The following TRAPPC12 variants were observed in gnomAD, a reference collection of about 807,000 sequenced individuals.
The protein encoded by TRAPPC12 is trafficking protein particle complex subunit 12, also known as TPR repeat protein 15.
TRAPPC12 carries 61 observed loss-of-function variants against 69.2 expected under a neutral mutation model. The observed-to-expected ratio is 0.88, with a 90% CI of 0.72 to 1.09. The LOEUF (loss-of-function observed/expected upper bound fraction) is 1.09, where lower values mean the gene tolerates loss of function less well. Ranked by LOEUF, TRAPPC12 falls within the 50% of genes least tolerant of loss-of-function variation. The pLI is 0.00. For missense variants in TRAPPC12, 1,101 were observed against 1,016.4 expected, an observed-to-expected ratio of 1.08 and a Z score of -1.13; for synonymous variants, 469 against 438.9, an observed-to-expected ratio of 1.07 and a Z score of -0.86.
At chr2:3,463,408 C>G (rs1369921981) in intron 8 of TRAPPC12, among the ~76,000 whole-genome samples, 2 of 151,782 alleles carry the variant, frequency 1.3e-5, no homozygotes, top group Non-Finnish European at 2.9e-5. Flanking sequence ...GCAGGGGCCC[C>G]CGAGATCCCT....
At chr2:3,383,654 C>T (rs1660336532) in intron 1 of TRAPPC12, among the ~76,000 whole-genome samples, 1 of 151,948 alleles carries the variant, frequency 6.6e-6, no homozygotes, top group South Asian at 2.1e-4. Flanking sequence ...ATACGCCCGC[C>T]CCGGCCTCCG....
At chr2:3,455,068 A>T (rs1172552033) in intron 6 of TRAPPC12, 1 of 152,068 alleles carries the variant, frequency 6.6e-6, no homozygotes, top group East Asian at 1.9e-4. Context: ...GGTGCGCCAC[A>T]CCCCGGGGAC....
intron 2 of TRAPPC12, among the ~76,000 whole-genome samples, chr2:3,390,208 A>G (rs1450787258): frequency 2.0e-5 from 3 of 152,230 alleles, no homozygotes; most frequent in Non-Finnish European, 4.4e-5. Flanking sequence ...TCCTGCTGCC[A>G]TCACACTCGA....
At chr2:3,457,205 A>G (rs1665200398) in intron 6 of TRAPPC12, 1 of 457,410 alleles carries the variant, frequency 2.2e-6, no homozygotes, top group Non-Finnish European at 4.4e-6. Flanking sequence ...AGAAACAGAA[A>G]ACCAAATAGT....
At chr2:3,441,244 AAG>A in intron 5 of TRAPPC12, among the ~76,000 whole-genome samples, 1 of 152,288 alleles carries the variant, frequency 6.6e-6, no homozygotes, top group East Asian at 1.9e-4. Context: ...TGTTTTCTGA[AAG>A]AGATTGTAGA....
chr2:3,457,145 T>TGCA (rs1425576412), intron 6 of TRAPPC12: 2 of 463,200 alleles, frequency 4.3e-6, no homozygotes, highest in Non-Finnish European at 8.8e-6. Context: ...TCATGTTGTT[T>TGCA]GCAGCAACAT....
intron 2 of TRAPPC12, among the ~76,000 whole-genome samples, chr2:3,398,585 C>G (rs989542483): frequency 1.3e-5 from 2 of 152,222 alleles, no homozygotes; most frequent in African/African-American, 4.8e-5. Context: ...CTTTGGGCTT[C>G]CCAGACAGTA....
intron 1 of TRAPPC12, among the ~76,000 whole-genome samples, chr2:3,382,503 T>TA (rs1234204021): frequency 6.6e-6 from 1 of 152,206 alleles, no homozygotes; most frequent in Non-Finnish European, 1.5e-5. Flanking sequence ...CATCATAGCT[T>TA]ACACTGCTCA....
chr2:3,461,826 C>G (rs186092307), intron 8 of TRAPPC12, among the ~76,000 whole-genome samples: 1 of 152,162 alleles, frequency 6.6e-6, no homozygotes, highest in Admixed American at 6.5e-5. Flanking sequence ...GCTCCCCTGC[C>G]CTGGTGGCCT....
At chr2:3,462,816 G>T (rs567109791) in intron 8 of TRAPPC12, 23 of 437,604 alleles carry the variant, frequency 5.3e-5, no homozygotes, top group Non-Finnish European at 8.7e-5. Context: ...CCCCTCCCCC[G>T]GGTGCCCCTG....
chr2:3,475,149 G>A (rs1373804304), intron 9 of TRAPPC12, among the ~76,000 whole-genome samples: 1 of 152,170 alleles, frequency 6.6e-6, no homozygotes, highest in Admixed American at 6.5e-5. Flanking sequence ...AGGCTGGAGT[G>A]CAGTGGCACA....
Position 3,470,419 on chromosome 2 carries a change from G to C in TRAPPC12, c.1776+4724G>C, listed in dbSNP as rs1344532688. 3.9e-5 allele frequency among the ~76,000 whole-genome samples: 6 copies of C among 152,396 alleles called. No homozygotes were observed. In the East Asian group the frequency reaches 1.2e-3, roughly 29 times the overall value. On this transcript the variant is annotated intron_variant, in intron 9 of 11. Transcript: ENST00000324266. ...CAAACGATGGCCTGCACTGCGTGCT[G>C]TCCGCCCTGTTCCTGCTGGACTCTC... is the stretch of plus-strand genomic sequence containing the variant.
At chr2:3,452,084 AG>A (rs1664880495) in intron 6 of TRAPPC12, among the ~76,000 whole-genome samples, 1 of 151,994 alleles carries the variant, frequency 6.6e-6, no homozygotes. Flanking sequence ...GTCTGTCCTG[AG>A]GTTGCAGTTA....
intron 9 of TRAPPC12, among the ~76,000 whole-genome samples, chr2:3,471,527 C>A (rs1666059534): frequency 6.6e-6 from 1 of 152,142 alleles, no homozygotes; most frequent in Non-Finnish European, 1.5e-5. Context: ...AGCACCAGGG[C>A]CTCCACACAG....
intron 4 of TRAPPC12, among the ~76,000 whole-genome samples, chr2:3,423,888 C>T (rs1369164359): frequency 6.6e-6 from 1 of 152,186 alleles, no homozygotes; most frequent in Non-Finnish European, 1.5e-5. Context: ...CCTGAGAGCA[C>T]ACTGTGCTCT....
chr2:3,435,279 G>T (rs1441395941), intron 5 of TRAPPC12, among the ~76,000 whole-genome samples: 1 of 152,218 alleles, frequency 6.6e-6, no homozygotes, highest in Non-Finnish European at 1.5e-5. Flanking sequence ...CTCCCAAAGT[G>T]CTGGGATTAC....
At chr2:3,465,077 C>T (rs1271807276) in intron 8 of TRAPPC12, among the ~76,000 whole-genome samples, 2 of 151,242 alleles carry the variant, frequency 1.3e-5, no homozygotes, top group Admixed American at 6.7e-5. Flanking sequence ...GCAAGGCCGA[C>T]CTCCATCACA....
At chr2:3,466,525 A>T in intron 9 of TRAPPC12, 2 of 400,974 alleles carry the variant, frequency 5.0e-6, no homozygotes, top group Non-Finnish European at 1.1e-5. Context: ...GGAAGCTAGA[A>T]TTTGAACAGG....
At chr2:3,458,565 T>A in intron 7 of TRAPPC12, 1 of 553,942 alleles carries the variant, frequency 1.8e-6, no homozygotes, top group Non-Finnish European at 2.3e-6. Flanking sequence ...CTGTGGCATG[T>A]GGTGTGGGTG....
Sources: gnomAD v4.1 joint callset for allele counts (sites outside exome capture counted in the v4.1 genomes callset) on GRCh38, gnomAD v4.1.1 for gene constraint, MANE v1.5 for transcripts, NCBI Gene and HGNC (gene_info 2026-07-23, HGNC 2026-07-21) for gene names.